Variants in B3GALT1 observed in about 807,000 individuals in gnomAD.
B3GALT1 encodes the protein beta-1,3-galactosyltransferase 1.
In B3GALT1, 10 loss-of-function variants were observed where a neutral mutation model predicts 23.2. The ratio of observed to expected loss-of-function variants is 0.43; its 90% CI spans 0.27 to 0.73. The LOEUF is 0.73. Among genes scored for constraint, B3GALT1 ranks in the 30% least tolerant of loss-of-function variants. B3GALT1 has a pLI of 0.21. For missense variants in B3GALT1, 299 were observed against 405.4 expected, an observed-to-expected ratio of 0.74 and a Z score of 2.25; for synonymous variants, 156 against 141.5, an observed-to-expected ratio of 1.10 and a Z score of -0.73.
intron 2 of B3GALT1, among the ~76,000 whole-genome samples, chr2:167,492,179 A>T (rs182769056): frequency 5.9e-5 from 9 of 151,998 alleles, no homozygotes; most frequent in African/African-American, 2.2e-4. Context: ...TGATCTTTTT[A>T]CTCCCTCCAT....
chr2:167,434,174 A>G (rs1224029622), intron 1 of B3GALT1, among the ~76,000 whole-genome samples: 2 of 152,218 alleles, frequency 1.3e-5, no homozygotes, highest in Non-Finnish European at 2.9e-5. Context: ...AATTTAAGCA[A>G]AAAGAACCTA....
chr2:167,790,028 G>A (rs1688407021), intron 3 of B3GALT1, among the ~76,000 whole-genome samples: 1 of 152,152 alleles, frequency 6.6e-6, no homozygotes, highest in Non-Finnish European at 1.5e-5. Context: ...ACAATTACAA[G>A]AGACAGGAGT....
Position 167,368,300 on chromosome 2 carries a change from C to T in B3GALT1, c.-511+74966C>T, listed in dbSNP as rs142714865. ...CCAATTTTTTTATTGCTTTACATAA[C>T]AATGTAAGAGATGTGTAGATTAAAT... On this transcript the variant is annotated intron_variant, in intron 1 of 4. Transcript: ENST00000392690. Among the ~76,000 whole-genome samples, 15 of 152,230 alleles carry T rather than the reference C, an allele frequency of 9.9e-5. No homozygotes were observed. The East Asian group carries it at 2.9e-3, about 29-fold the overall frequency.
chr2:167,696,614 C>A (rs1040024314), intron 3 of B3GALT1, among the ~76,000 whole-genome samples: 1 of 152,172 alleles, frequency 6.6e-6, no homozygotes, highest in East Asian at 1.9e-4. Flanking sequence ...GTTCTATAGA[C>A]TTTTCCCACT....
intron 3 of B3GALT1, among the ~76,000 whole-genome samples, chr2:167,796,263 AT>A (rs1376922230): frequency 6.6e-6 from 1 of 152,138 alleles, no homozygotes; most frequent in African/African-American, 2.4e-5. Context: ...GACAATAATA[AT>A]TTTTATGATT....
At chr2:167,717,536 C>A (rs1687171164) in intron 3 of B3GALT1, among the ~76,000 whole-genome samples, 1 of 151,930 alleles carries the variant, frequency 6.6e-6, no homozygotes, top group Non-Finnish European at 1.5e-5. Flanking sequence ...CCTTTGTCGC[C>A]ACACCTGTCC....
At position 167,446,406 on chromosome 2, in the gene B3GALT1, G is replaced by A. The variant is rs187926022; in HGVS notation, c.-510-43771G>A. Reference sequence around the variant, plus strand: ...TCTGTATTTCCTGAATTTGAATGTTGGCCTGCCTTGCTAAGTTGGGGAAGT... The same window carrying A: ...TCTGTATTTCCTGAATTTGAATGTTAGCCTGCCTTGCTAAGTTGGGGAAGT... On this transcript the variant is annotated intron_variant, in intron 1 of 4. Transcript: ENST00000392690. Among the ~76,000 whole-genome samples, 73 of 152,210 alleles carry A rather than the reference G, an allele frequency of 4.8e-4. 1 individual carries two copies. In the East Asian group the frequency reaches 0.013, roughly 28 times the overall value.
At chr2:167,420,759 A>G (rs753967983) in intron 1 of B3GALT1, among the ~76,000 whole-genome samples, 1 of 152,198 alleles carries the variant, frequency 6.6e-6, no homozygotes, top group Non-Finnish European at 1.5e-5. Flanking sequence ...CAGAACATAC[A>G]TAGTCATTGC....
chr2:167,453,973 G>T (rs566354690), intron 1 of B3GALT1, among the ~76,000 whole-genome samples: 2 of 152,122 alleles, frequency 1.3e-5, no homozygotes, highest in Non-Finnish European at 2.9e-5. Context: ...AGATTTTTTA[G>T]ATTAGACTCT....
rs576854499 is a variant in B3GALT1 at position 167,514,058 on chromosome 2, C to A, written c.-410+23781C>A. ...AGTAGCTGGAATTACAGGCGCCCAC[C>A]ACCACGCCCAGCTAATTTTTTTGTA... On this transcript the variant is annotated intron_variant, in intron 2 of 4. Transcript: ENST00000392690. 4.6e-5 allele frequency among the ~76,000 whole-genome samples: 7 copies of A among 152,134 alleles called. No individual in the cohort carries two copies. In the South Asian group the frequency reaches 1.5e-3, roughly 32 times the overall value.
intron 3 of B3GALT1, among the ~76,000 whole-genome samples, chr2:167,712,647 G>T (rs1407464908): frequency 6.6e-6 from 1 of 151,970 alleles, no homozygotes; most frequent in South Asian, 2.1e-4. Flanking sequence ...TAGCAAATTG[G>T]ATTACTCTGT....
chr2:167,545,023 CTTTTTTTTTTTTTTTTTTTTT>C (rs869066627), intron 2 of B3GALT1, among the ~76,000 whole-genome samples: 1 of 54,270 alleles, frequency 1.8e-5, no homozygotes, highest in African/African-American at 7.8e-5. Context: ...GCTTGGGTGT[CTTTTTTTTTTTTTTTTTTTTT>C]TTTTTTTTTT....
At chr2:167,464,878 A>G (rs1699321252) in intron 1 of B3GALT1, among the ~76,000 whole-genome samples, 1 of 152,184 alleles carries the variant, frequency 6.6e-6, no homozygotes, top group Non-Finnish European at 1.5e-5. Context: ...TCAAATTTGT[A>G]TTGGCATTGT....
intron 3 of B3GALT1, among the ~76,000 whole-genome samples, chr2:167,681,200 C>T (rs559952343): frequency 5.2e-4 from 79 of 152,128 alleles, no homozygotes; most frequent in Non-Finnish European, 9.4e-4. Flanking sequence ...AATATTAACT[C>T]CCAGCATAGC....
intron 1 of B3GALT1, among the ~76,000 whole-genome samples, chr2:167,315,732 G>T (rs1271205405): frequency 6.6e-6 from 1 of 152,100 alleles, no homozygotes; most frequent in East Asian, 1.9e-4. Context: ...TCACAGACCT[G>T]ACTTCACAGT....
intron 4 of B3GALT1, among the ~76,000 whole-genome samples, chr2:167,821,206 T>C (rs1473409938): frequency 6.6e-6 from 1 of 152,150 alleles, no homozygotes; most frequent in Non-Finnish European, 1.5e-5. Flanking sequence ...GCTCTCAGTT[T>C]TTCATATCAA....
intron 1 of B3GALT1, among the ~76,000 whole-genome samples, chr2:167,367,477 ATTACC>A (rs1391691641): frequency 1.3e-5 from 2 of 152,186 alleles, no homozygotes; most frequent in African/African-American, 2.4e-5. Flanking sequence ...GTATTACCAT[ATTACC>A]TTGTAGAAAT....
At chr2:167,642,930 G>A (rs1685681876) in intron 2 of B3GALT1, among the ~76,000 whole-genome samples, 1 of 152,034 alleles carries the variant, frequency 6.6e-6, no homozygotes, top group Non-Finnish European at 1.5e-5. Context: ...GTATAAAAAT[G>A]TATATTTTTA....
chr2:167,520,936 C>T (rs1273221968), intron 2 of B3GALT1, among the ~76,000 whole-genome samples: 1 of 152,000 alleles, frequency 6.6e-6, no homozygotes, highest in Non-Finnish European at 1.5e-5. Flanking sequence ...GTTGTTTCTG[C>T]TGTTAACCAT....
Sources: gnomAD v4.1 joint callset for allele counts (sites outside exome capture counted in the v4.1 genomes callset) on GRCh38, gnomAD v4.1.1 for gene constraint, MANE v1.5 for transcripts, NCBI Gene and HGNC (gene_info 2026-07-23, HGNC 2026-07-21) for gene names.